USP54: variants seen among roughly 807,000 people sequenced by gnomAD.
USP54 encodes ubiquitin specific peptidase 54.
USP54 carries 87 observed loss-of-function variants against 170.5 expected under a neutral mutation model. That is an observed-to-expected ratio of 0.51 (90% confidence interval 0.43 to 0.61). USP54 has a LOEUF of 0.61. Ranked by LOEUF, USP54 falls within the 20% of genes least tolerant of loss-of-function variation. USP54 has a pLI of 0.00. For synonymous variants in USP54, 655 were observed against 742.8 expected, an observed-to-expected ratio of 0.88 and a Z score of 1.92; for missense variants, 1,786 against 2,047.8, an observed-to-expected ratio of 0.87 and a Z score of 2.47.
rs552013986 is a variant in USP54 at position 73,555,501 on chromosome 10, G to T, written c.241-9829C>A. Among the ~76,000 whole-genome samples, 4 of 152,264 alleles carry T rather than the reference G, an allele frequency of 2.6e-5. No homozygotes were observed. The South Asian group carries it at 8.3e-4, about 32-fold the overall frequency. On this transcript the variant is annotated intron_variant, in intron 4 of 23. Coordinates refer to ENST00000687698, the MANE Select transcript of USP54 (RefSeq NM_001391956.1). ...TAGAGGCAACTCACATATGCACAAA[G>T]ACAAGAGACACAGATAAACAGTAAC...
chr10:73,543,581 T>A (rs2133535913), intron 5 of USP54, among the ~76,000 whole-genome samples: 1 of 152,298 alleles, frequency 6.6e-6, no homozygotes, highest in East Asian at 1.9e-4. Context: ...TTAGCCAGGA[T>A]GGTCTCGATC....
At position 73,498,883 on chromosome 10, in the gene USP54, G is replaced by A. The variant is rs769520701; in HGVS notation, c.4801C>T (p.His1601Tyr). 1.4e-6 allele frequency: 1 copy of A among 736,218 alleles called. No homozygotes were observed. Among genetic ancestry groups the A allele is most frequent in the African/African-American group, 1.8e-5 (1 of 55,584 alleles). 45.6% of individuals were successfully genotyped at this position (736,218 alleles called of 1,614,324 possible). ...CTGCTAGATGGTGGGTACACAGGAT[G>A]AACAATGGGAGGGTGGGAGGGTGAA... The part of the protein sequence containing the change: ...FHSPSHPPIV[H>Y]PVYPPSSSLH... Residue 1601 changes from histidine to tyrosine, a missense_variant, in exon 24 of 24, where the codon CAT becomes TAT. Physicochemically the swap from His to Tyr is moderately conservative, Grantham distance 83 (BLOSUM62 2). Transcript: ENST00000687698.
chr10:73,516,760 T>C lies in USP54; in HGVS notation c.3666A>G (p.Gly1222=). 6.2e-7 allele frequency: 1 copy of C among 1,614,180 alleles called. No homozygotes were observed. Among genetic ancestry groups the C allele is most frequent in the Non-Finnish European group, 8.5e-7 (1 of 1,180,036 alleles). The part of the protein sequence containing the change: ...SGLPNGETSS[G]GQPRLAEPDI... ...CTGGCTCTGCCAACCTGGGCTGTCCTCCGCTAGAAGTTTCACCATTAGGCA... is the reference window on the plus strand; with the variant it reads ...CTGGCTCTGCCAACCTGGGCTGTCCCCCGCTAGAAGTTTCACCATTAGGCA... The change falls in exon 20 of 24, where the codon GGA becomes GGG. Residue 1222 remains glycine, a synonymous_variant. Transcript: ENST00000687698.
At chr10:73,547,956 G>A (rs187745022) in intron 4 of USP54, among the ~76,000 whole-genome samples, 49 of 152,034 alleles carry the variant, frequency 3.2e-4, no homozygotes, top group African/African-American at 1.1e-3. Context: ...CCTACAGAAC[G>A]GTAGAACATT....
At position 73,575,900 on chromosome 10, in the gene USP54, T is replaced by C. The variant is rs1187326878; in HGVS notation, c.-120A>G. Reference sequence around the variant, plus strand: ...TCCAAACAATCTCCAAAATGTAACATGGCACAGGACTAATGCAAACAGAGA... The same window carrying C: ...TCCAAACAATCTCCAAAATGTAACACGGCACAGGACTAATGCAAACAGAGA... On this transcript the variant is annotated 5_prime_UTR_variant, in exon 2 of 24. It removes an upstream start codon present in the reference 5' UTR. Transcript: ENST00000687698. The C allele has an allele frequency of 2.6e-6, 1 of 384,560 alleles. No homozygotes were observed. Among genetic ancestry groups the C allele is most frequent in the Non-Finnish European group, 4.6e-6 (1 of 216,072 alleles). The allele number at this position is 384,560 out of a possible 1,614,324, so 23.8% of individuals were successfully genotyped here.
intron 10 of USP54, among the ~76,000 whole-genome samples, chr10:73,537,096 C>A (rs2133458839): frequency 6.6e-6 from 1 of 152,266 alleles, no homozygotes; most frequent in Non-Finnish European, 1.5e-5. Flanking sequence ...TAAGCTTGAA[C>A]CAGTCACATT....
At chr10:73,557,952 G>A (rs1057351477) in intron 4 of USP54, among the ~76,000 whole-genome samples, 24 of 135,180 alleles carry the variant, frequency 1.8e-4, no homozygotes, top group Middle Eastern at 4.9e-3. Flanking sequence ...GCTCGATCTC[G>A]GCTCACTTGC....
chr10:73,570,060 T>C (rs2074822048), intron 4 of USP54, among the ~76,000 whole-genome samples: 1 of 151,566 alleles, frequency 6.6e-6, no homozygotes. Flanking sequence ...TAAAAGCAAC[T>C]ATTATAAATT....
chr10:73,529,703 C>A lies in USP54; in HGVS notation c.2037G>T (p.Leu679=), dbSNP rs771554839. The change falls in exon 15 of 24, where the codon CTG becomes CTT. Residue 679 remains leucine (L), a synonymous_variant. Coordinates refer to ENST00000687698, the MANE Select transcript of USP54 (RefSeq NM_001391956.1). ...ACCTGTAGACATTTGAGCTCTCAGG[C>A]AGGGCTGCATCCAGGCTGACAGGGC... is the stretch of plus-strand genomic sequence containing the variant. The part of the protein sequence containing the change: ...SSSPVSLDAA[L]PESSNVYRDP... 1.9e-5 allele frequency: 31 copies of A among 1,613,992 alleles called. No homozygotes were observed. The highest frequency in any genetic ancestry group is 2.5e-5 in the Non-Finnish European group (30 of 1,179,952).
intron 1 of USP54, among the ~76,000 whole-genome samples, chr10:73,608,951 T>C (rs951310170): frequency 5.3e-5 from 8 of 152,188 alleles, no homozygotes; most frequent in African/African-American, 1.4e-4. Context: ...CCTAGGAATA[T>C]GTATTATAGA....
intron 1 of USP54, among the ~76,000 whole-genome samples, chr10:73,610,811 A>C (rs1363280354): frequency 6.6e-6 from 1 of 152,218 alleles, no homozygotes; most frequent in Non-Finnish European, 1.5e-5. Context: ...ATTTGAAAAA[A>C]ATGTGCTTTG....
chr10:73,548,839 G>A (rs376880478), intron 4 of USP54, among the ~76,000 whole-genome samples: 69 of 152,220 alleles, frequency 4.5e-4, no homozygotes, highest in African/African-American at 1.4e-3. Flanking sequence ...AAACCTGCAC[G>A]TTGTGCACAT....
chr10:73,544,733 A>T (rs374236230), intron 5 of USP54, among the ~76,000 whole-genome samples: 1 of 151,114 alleles, frequency 6.6e-6, no homozygotes, highest in African/African-American at 2.4e-5. Context: ...TTTTCTTTTG[A>T]GACAGAGTCT....
intron 20 of USP54, among the ~76,000 whole-genome samples, chr10:73,514,717 G>A (rs1433420947): frequency 2.0e-5 from 3 of 151,834 alleles, no homozygotes; most frequent in Non-Finnish European, 4.4e-5. Flanking sequence ...ATCTACATTA[G>A]GATACGGATC....
chr10:73,619,168 G>C (rs1011546207), intron 1 of USP54, among the ~76,000 whole-genome samples: 1 of 150,518 alleles, frequency 6.6e-6, no homozygotes, highest in Non-Finnish European at 1.5e-5. Flanking sequence ...CAGCCTGGGC[G>C]ATGGAGCAAG....
intron 20 of USP54, among the ~76,000 whole-genome samples, chr10:73,507,740 C>A (rs2059419913): frequency 6.7e-6 from 1 of 149,228 alleles, no homozygotes; most frequent in African/African-American, 2.5e-5. Flanking sequence ...GTAATCCTAG[C>A]ACTTTGGGAG....
At chr10:73,570,537 T>A (rs1032084678) in intron 4 of USP54, among the ~76,000 whole-genome samples, 12 of 150,908 alleles carry the variant, frequency 8.0e-5, no homozygotes, top group African/African-American at 2.9e-4. Context: ...GGCATTACTC[T>A]CTTTTCCTTT....
intron 4 of USP54, among the ~76,000 whole-genome samples, chr10:73,548,835 G>T (rs1203811852): frequency 6.6e-6 from 1 of 152,082 alleles, no homozygotes; most frequent in Non-Finnish European, 1.5e-5. Context: ...TAACAAACCT[G>T]CACGTTGTGC....
intron 14 of USP54, 58 bp from the exon 15 acceptor site, chr10:73,529,969 T>G: frequency 6.6e-7 from 1 of 1,508,282 alleles, no homozygotes; most frequent in Non-Finnish European, 8.9e-7. Flanking sequence ...TTGCCTAAAA[T>G]CAAGACCTAA....
Sources: gnomAD v4.1 joint callset for allele counts (sites outside exome capture counted in the v4.1 genomes callset) on GRCh38, gnomAD v4.1.1 for gene constraint, MANE v1.5 for transcripts, NCBI Gene and HGNC (gene_info 2026-07-23, HGNC 2026-07-21) for gene names.